KHDRBS2: variants seen among roughly 807,000 people sequenced by gnomAD.
KHDRBS2 encodes the protein KH RNA binding domain containing, signal transduction associated 2.
A neutral mutation model predicts 44.3 loss-of-function variants in KHDRBS2; 26 were observed. The ratio of observed to expected loss-of-function variants is 0.59; its 90% CI spans 0.43 to 0.81. The LOEUF (loss-of-function observed/expected upper bound fraction) is 0.81. KHDRBS2 is among the 40% of genes least tolerant of loss of function. The pLI, the probability that KHDRBS2 is intolerant of heterozygous loss-of-function variation, is 0.00. For missense variants in KHDRBS2, 476 were observed against 433.1 expected (o/e 1.10, Z -0.88); for synonymous variants, 194 against 151.1 (o/e 1.28, Z -2.08).
At chr6:61,571,171 G>C in the KHDRBS2 span, among the ~76,000 whole-genome samples, 6 of 152,112 alleles carry the variant, frequency 3.9e-5, no homozygotes, top group African/African-American at 1.2e-4. Context: ...CTGTCTCCAA[G>C]AGACTCGCCT....
chr6:62,273,391 A>C (rs558072879), intron 1 of KHDRBS2, among the ~76,000 whole-genome samples: 1 of 152,250 alleles, frequency 6.6e-6, no homozygotes, highest in East Asian at 1.9e-4. Context: ...TGCCAAATCC[A>C]TTAGAGGCCC....
intron 2 of KHDRBS2, among the ~76,000 whole-genome samples, chr6:62,065,618 C>A (rs1345937356): frequency 8.6e-6 from 1 of 116,534 alleles, no homozygotes; most frequent in South Asian, 2.9e-4. Context: ...GAATATCACA[C>A]TCTGGGGACT....
intron 6 of KHDRBS2, among the ~76,000 whole-genome samples, chr6:61,782,155 G>C (rs1783031333): frequency 6.6e-6 from 1 of 152,150 alleles, no homozygotes; most frequent in Non-Finnish European, 1.5e-5. Context: ...GTACTGTGTG[G>C]GCAATGATCT....
the KHDRBS2 span, among the ~76,000 whole-genome samples, chr6:61,626,522 T>C: frequency 1.3e-5 from 2 of 152,262 alleles, no homozygotes; most frequent in Non-Finnish European, 2.9e-5. Context: ...AAGAAGTATT[T>C]AAGTCACTGC....
intron 3 of KHDRBS2, among the ~76,000 whole-genome samples, chr6:62,008,821 C>T (rs1779760683): frequency 6.6e-6 from 1 of 152,160 alleles, no homozygotes; most frequent in Non-Finnish European, 1.5e-5. Flanking sequence ...GTGACTTGCT[C>T]CTCCTTGCCT....
At chr6:62,018,295 ATATATGTGTGTGTGTGTGTG>A (rs1781594262) in intron 3 of KHDRBS2, among the ~76,000 whole-genome samples, 2 of 142,562 alleles carry the variant, frequency 1.4e-5, no homozygotes, top group African/African-American at 5.5e-5. Context: ...CACTATATAT[ATATATGTGTGTGTGTGTGTG>A]TGTGTGTGTG....
intron 7 of KHDRBS2, among the ~76,000 whole-genome samples, chr6:61,720,623 T>G (rs1772305798): frequency 6.6e-6 from 1 of 152,182 alleles, no homozygotes; most frequent in Non-Finnish European, 1.5e-5. Flanking sequence ...TTTGATGGGC[T>G]TGTTTGTTTT....
chr6:62,214,906 T>C (rs577006166), intron 1 of KHDRBS2, among the ~76,000 whole-genome samples: 1 of 152,138 alleles, frequency 6.6e-6, no homozygotes, highest in Non-Finnish European at 1.5e-5. Flanking sequence ...ATTCCAACTG[T>C]ACGTTCTTCT....
chr6:61,955,123 T>G (rs1357808096), intron 4 of KHDRBS2, among the ~76,000 whole-genome samples: 1 of 145,192 alleles, frequency 6.9e-6, no homozygotes, highest in Non-Finnish European at 1.5e-5. Context: ...TGTGTATATA[T>G]GTATACATAT....
chr6:62,209,814 T>C (rs905361697), intron 1 of KHDRBS2, among the ~76,000 whole-genome samples: 1 of 152,198 alleles, frequency 6.6e-6, no homozygotes, highest in African/African-American at 2.4e-5. Context: ...TGATGCTTCC[T>C]GCCCTCGAAC....
At chr6:62,183,881 C>A (rs1554462819) in intron 1 of KHDRBS2, among the ~76,000 whole-genome samples, 1 of 151,524 alleles carries the variant, frequency 6.6e-6, no homozygotes, top group Non-Finnish European at 1.5e-5. Context: ...TTGGAAGGAA[C>A]TTTAACTATT....
chr6:61,873,395 T>C (rs1798942534), intron 6 of KHDRBS2, among the ~76,000 whole-genome samples: 1 of 151,914 alleles, frequency 6.6e-6, no homozygotes, highest in Non-Finnish European at 1.5e-5. Flanking sequence ...TTTATGAAAA[T>C]ATAACAAATT....
intron 6 of KHDRBS2, among the ~76,000 whole-genome samples, chr6:61,891,347 G>A (rs1801801775): frequency 6.6e-6 from 1 of 152,192 alleles, no homozygotes; most frequent in Non-Finnish European, 1.5e-5. Context: ...GTATTTTACT[G>A]AGGATTTTTG....
At chr6:61,634,414 T>C in the KHDRBS2 span, among the ~76,000 whole-genome samples, 1 of 152,076 alleles carries the variant, frequency 6.6e-6, no homozygotes, top group Admixed American at 6.6e-5. Context: ...CTAAAAGCAT[T>C]CTTACTGGAC....
the KHDRBS2 span, among the ~76,000 whole-genome samples, chr6:61,550,313 C>T: frequency 3.9e-5 from 6 of 152,224 alleles, no homozygotes; most frequent in East Asian, 5.8e-4. Flanking sequence ...TTTTCTGTTC[C>T]TGTGTTCACT....
chr6:62,250,390 C>A (rs778948334), intron 1 of KHDRBS2, among the ~76,000 whole-genome samples: 6 of 151,980 alleles, frequency 3.9e-5, no homozygotes, highest in Non-Finnish European at 5.9e-5. Flanking sequence ...AAAACTGTTT[C>A]TATCCATTTG....
chr6:62,255,928 T>C lies in KHDRBS2; in HGVS notation c.91+29930A>G, dbSNP rs551942580. Among the ~76,000 whole-genome samples, 30 of 151,728 alleles carry C rather than the reference T, an allele frequency of 2.0e-4. No individual in the cohort carries two copies. The South Asian group carries it at 4.2e-3, about 21-fold the overall frequency. On this transcript the variant is annotated intron_variant, in intron 1 of 8. Coordinates refer to ENST00000281156, the MANE Select transcript of KHDRBS2 (RefSeq NM_152688.4). The stretch of plus-strand genomic sequence containing the variant: ...GGGCAGATAACTTGAGGTCAGGAGT[T>C]CCACACCAGCCTGGCCAACATGATG...
chr6:61,662,657 C>T, the KHDRBS2 span, among the ~76,000 whole-genome samples: 1 of 151,974 alleles, frequency 6.6e-6, no homozygotes, highest in South Asian at 2.1e-4. Flanking sequence ...AAATGCTCAT[C>T]ATCACTGGCC....
At chr6:61,918,886 T>C (rs116537651) in intron 4 of KHDRBS2, among the ~76,000 whole-genome samples, 4 of 151,918 alleles carry the variant, frequency 2.6e-5, no homozygotes, top group Non-Finnish European at 5.9e-5. Flanking sequence ...GCAAATTACA[T>C]AGATAAATTA....
Sources: allele counts gnomAD v4.1 joint callset (sites outside exome capture counted in the v4.1 genomes callset), GRCh38; gene constraint gnomAD v4.1.1; transcripts MANE v1.5; gene names NCBI Gene and HGNC (gene_info 2026-07-23, HGNC 2026-07-21).